Variants in CREB5 observed in about 807,000 individuals in gnomAD.
CREB5 encodes cAMP responsive element binding protein 5.
A neutral mutation model predicts 57.1 loss-of-function variants in CREB5; 19 were observed. That is an observed-to-expected ratio of 0.33 (90% CI 0.23 to 0.49). The LOEUF (loss-of-function observed/expected upper bound fraction) is 0.49, where lower values mean the gene tolerates loss of function less well. Ranked by LOEUF, CREB5 falls within the 20% of genes least tolerant of loss-of-function variation. The pLI, the probability that CREB5 is intolerant of heterozygous loss-of-function variation, is 0.99. For synonymous variants in CREB5, 238 were observed against 238.3 expected (o/e 1.00, Z 0.01); for missense variants, 579 against 671.6 (o/e 0.86, Z 1.52).
intron 5 of CREB5, among the ~76,000 whole-genome samples, chr7:28,642,985 C>CACACACAT (rs1562544740): frequency 3.7e-5 from 4 of 108,688 alleles, no homozygotes; most frequent in African/African-American, 1.4e-4. Context: ...CACACACACA[C>CACACACAT]ATACACACAC....
chr7:28,543,958 T>A (rs1794314355), intron 4 of CREB5, among the ~76,000 whole-genome samples: 1 of 148,998 alleles, frequency 6.7e-6, no homozygotes, highest in Non-Finnish European at 1.5e-5. Context: ...CTCGTATGAG[T>A]GCCATGAGCA....
At chr7:28,718,284 A>G (rs1802814923) in intron 5 of CREB5, among the ~76,000 whole-genome samples, 1 of 152,248 alleles carries the variant, frequency 6.6e-6, no homozygotes, top group Non-Finnish European at 1.5e-5. Flanking sequence ...TCATGAATGA[A>G]GTTTGCTCTG....
intron 1 of CREB5, among the ~76,000 whole-genome samples, chr7:28,309,459 C>CT (rs1316162453): frequency 4.6e-5 from 7 of 152,194 alleles, no homozygotes; most frequent in African/African-American, 1.4e-4. Flanking sequence ...TTTGTGTCCA[C>CT]TTTCCTCTGT....
intron 4 of CREB5, among the ~76,000 whole-genome samples, chr7:28,557,800 G>A (rs1440992104): frequency 1.3e-5 from 2 of 152,200 alleles, no homozygotes; most frequent in East Asian, 3.8e-4. Context: ...GGAGGTCCTT[G>A]TGAGTCTGCA....
chr7:28,499,225 A>G (rs972469753), intron 3 of CREB5, among the ~76,000 whole-genome samples: 1 of 150,782 alleles, frequency 6.6e-6, no homozygotes, highest in East Asian at 1.9e-4. Context: ...GTGCAACCTT[A>G]TTTATAGCTG....
At chr7:28,498,365 T>C (rs1583541099) in intron 3 of CREB5, among the ~76,000 whole-genome samples, 4 of 152,342 alleles carry the variant, frequency 2.6e-5, no homozygotes, top group Admixed American at 2.6e-4. Context: ...TAAAATATAA[T>C]AGATATTTGT....
intron 1 of CREB5, among the ~76,000 whole-genome samples, chr7:28,318,290 A>C (rs1345183512): frequency 6.6e-6 from 1 of 152,240 alleles, no homozygotes; most frequent in Non-Finnish European, 1.5e-5. Flanking sequence ...TGACGTAGCC[A>C]ATCTGCAATG....
chr7:28,560,933 T>TGTGC (rs765001195), intron 4 of CREB5, among the ~76,000 whole-genome samples: 551 of 49,326 alleles, frequency 0.011, 103 homozygotes, highest in African/African-American at 0.041. Flanking sequence ...CGCGTGCGTG[T>TGTGC]GTGCGTGCGT....
At chr7:28,509,660 G>T (rs960714098) in intron 4 of CREB5, among the ~76,000 whole-genome samples, 1 of 152,202 alleles carries the variant, frequency 6.6e-6, no homozygotes, top group East Asian at 1.9e-4. Context: ...TAAATTTCTT[G>T]TGGGTTGAAA....
chr7:28,758,999 C>G (rs1213450092), intron 7 of CREB5, among the ~76,000 whole-genome samples: 3 of 142,388 alleles, frequency 2.1e-5, no homozygotes. Flanking sequence ...TCCTGAGCAC[C>G]CCTAATTTGT....
chr7:28,383,079 G>T (rs1303246663), intron 1 of CREB5, among the ~76,000 whole-genome samples: 1 of 152,162 alleles, frequency 6.6e-6, no homozygotes, highest in African/African-American at 2.4e-5. Context: ...GGTGATGAAG[G>T]CAGGAAGAGG....
At chr7:28,745,356 G>C (rs751509356) in intron 7 of CREB5, among the ~76,000 whole-genome samples, 9 of 152,312 alleles carry the variant, frequency 5.9e-5, no homozygotes, top group Non-Finnish European at 1.0e-4. Context: ...TCCTTGTGCT[G>C]TATCTCTACA....
At chr7:28,391,438 GA>G (rs1170933523) in intron 1 of CREB5, among the ~76,000 whole-genome samples, 1 of 152,136 alleles carries the variant, frequency 6.6e-6, no homozygotes, top group African/African-American at 2.4e-5. Context: ...TGAATGTTTT[GA>G]AAAGTAATCA....
chr7:28,508,501 A>G (rs1792574976), intron 4 of CREB5, among the ~76,000 whole-genome samples: 1 of 152,248 alleles, frequency 6.6e-6, no homozygotes, highest in Admixed American at 6.5e-5. Flanking sequence ...GATTGAAAGG[A>G]AAGACCAGTT....
At chr7:28,659,083 C>A (rs1489919611) in intron 5 of CREB5, among the ~76,000 whole-genome samples, 2 of 150,756 alleles carry the variant, frequency 1.3e-5, no homozygotes, top group African/African-American at 4.9e-5. Flanking sequence ...GAACACTGGC[C>A]AACTGACTCA....
chr7:28,682,143 T>G (rs977143420), intron 5 of CREB5, among the ~76,000 whole-genome samples: 1 of 152,162 alleles, frequency 6.6e-6, no homozygotes, highest in African/African-American at 2.4e-5. Context: ...GGTTGGGGTA[T>G]AGGAGGTGCA....
chr7:28,452,021 G>T (rs944169671), intron 1 of CREB5, among the ~76,000 whole-genome samples: 2 of 152,178 alleles, frequency 1.3e-5, no homozygotes, highest in African/African-American at 4.8e-5. Flanking sequence ...AGGGAGAAAG[G>T]TCCCTGCCTG....
chr7:28,442,685 G>A (rs1237267388), intron 1 of CREB5, among the ~76,000 whole-genome samples: 1 of 152,070 alleles, frequency 6.6e-6, no homozygotes, highest in Non-Finnish European at 1.5e-5. Flanking sequence ...TTGTGGTTTT[G>A]ATTTGCATTT....
intron 1 of CREB5, among the ~76,000 whole-genome samples, chr7:28,326,627 C>T (rs1785613514): frequency 1.3e-5 from 2 of 152,192 alleles, no homozygotes; most frequent in African/African-American, 4.8e-5. Context: ...AACAAGGTGG[C>T]CAGAATATCT....
Sources: allele counts gnomAD v4.1 joint callset (sites outside exome capture counted in the v4.1 genomes callset), GRCh38; gene constraint gnomAD v4.1.1; transcripts MANE v1.5; gene names NCBI Gene and HGNC (gene_info 2026-07-23, HGNC 2026-07-21).